Variants in IER3IP1 observed in about 807,000 individuals in gnomAD.
The protein encoded by IER3IP1 is immediate early response 3 interacting protein 1.
IER3IP1 carries 16 observed loss-of-function variants against 12.2 expected under a neutral mutation model. The observed-to-expected ratio is 1.31, with a 90% CI of 0.89 to 1.99. The LOEUF (loss-of-function observed/expected upper bound fraction) is 1.99, where lower values mean the gene tolerates loss of function less well. IER3IP1 is among the 30% of genes most tolerant of loss of function. The pLI is 0.00. For missense variants in IER3IP1, 95 were observed against 95.8 expected, an observed-to-expected ratio of 0.99 and a Z score of 0.03; for synonymous variants, 42 against 40.0, an observed-to-expected ratio of 1.05 and a Z score of -0.19.
At chr18:47,168,301 C>CAAAAA (rs35347851) in intron 1 of IER3IP1, among the ~76,000 whole-genome samples, 3 of 107,146 alleles carry the variant, frequency 2.8e-5, no homozygotes, top group Middle Eastern at 4.7e-3. Context: ...GACTCCATCA[C>CAAAAA]AAAAAAAAAA....
intron 1 of IER3IP1, among the ~76,000 whole-genome samples, chr18:47,159,337 A>G (rs777693016): frequency 3.3e-5 from 5 of 152,176 alleles, no homozygotes; most frequent in Non-Finnish European, 7.3e-5. Flanking sequence ...AAGAAATTTT[A>G]TTTTTCACTA....
At chr18:47,175,599 T>C (rs1345389127) in intron 1 of IER3IP1, among the ~76,000 whole-genome samples, 2 of 152,118 alleles carry the variant, frequency 1.3e-5, no homozygotes, top group East Asian at 3.9e-4. Flanking sequence ...GCCCGGCTAA[T>C]TTTTGTATTT....
chr18:47,176,329 A>G lies in IER3IP1; in HGVS notation c.-52T>C. 6.7e-7 allele frequency: 1 copy of G among 1,503,092 alleles called. No individual in the cohort carries two copies. Among genetic ancestry groups the G allele is most frequent in the Non-Finnish European group, 9.1e-7 (1 of 1,101,038 alleles). 93.1% of individuals were successfully genotyped at this position (1,503,092 alleles called of 1,614,324 possible). ...AAGCGATTTCTCTCCCGCCGCCGCA[A>G]GGGACGTGGCGCCTCCACGGCCGGC... On this transcript the variant is annotated 5_prime_UTR_variant, in exon 1 of 3. Coordinates refer to ENST00000256433, the MANE Select transcript of IER3IP1 (RefSeq NM_016097.5).
At position 47,157,542 on chromosome 18, in the gene IER3IP1, A is replaced by G. The variant is rs1568070683; in HGVS notation, c.92-5T>C. The G allele has an allele frequency of 1.9e-6, 3 of 1,612,826 alleles. No individual in the cohort carries two copies. In the East Asian group the frequency reaches 6.7e-5, roughly 36 times the overall value. ...CCTGGTCTGTTCCCCAGCCAACTGT[A>G]TAATGTAAAGATTAGCTGTGTTAAA... On this transcript the variant is annotated splice_region_variant and splice_polypyrimidine_tract_variant and intron_variant, in intron 1 of 2. Transcript: ENST00000256433.
intron 1 of IER3IP1, among the ~76,000 whole-genome samples, chr18:47,161,483 A>C (rs2063979873): frequency 6.6e-6 from 1 of 152,176 alleles, no homozygotes; most frequent in Non-Finnish European, 1.5e-5. Context: ...TGTAATCTTG[A>C]TGTCTCAACC....
chr18:47,159,813 T>C (rs1467937960), intron 1 of IER3IP1, among the ~76,000 whole-genome samples: 1 of 151,918 alleles, frequency 6.6e-6, no homozygotes, highest in Non-Finnish European at 1.5e-5. Flanking sequence ...TCAGACAAAA[T>C]GTTCACGTTC....
Position 47,155,254 on chromosome 18 carries a change from C to G in IER3IP1, c.*923G>C, listed in dbSNP as rs544324119. The G allele has an allele frequency of 1.3e-4, 20 of 152,258 alleles. No individual in the cohort carries two copies. Among genetic ancestry groups the G allele is most frequent in the African/African-American group, 4.6e-4 (19 of 41,562 alleles). 9.4% of individuals were successfully genotyped at this position (152,258 alleles called of 1,614,324 possible). On this transcript the variant is annotated 3_prime_UTR_variant, in exon 3 of 3. Transcript: ENST00000256433. The stretch of plus-strand genomic sequence containing the variant: ...AGACAACCTATCCAGCATCAATGTC[C>G]TATTGACAAACTCAATGAAGAATTA...
chr18:47,158,491 G>A (rs536002297), intron 1 of IER3IP1, among the ~76,000 whole-genome samples: 2 of 151,946 alleles, frequency 1.3e-5, no homozygotes, highest in East Asian at 2.0e-4. Flanking sequence ...ATAGGCGCAC[G>A]CCACCACACC....
chr18:47,176,018 G>A (rs2064032019), intron 1 of IER3IP1, among the ~76,000 whole-genome samples, 169 bp downstream of exon 1: 1 of 152,120 alleles, frequency 6.6e-6, no homozygotes, highest in Admixed American at 6.5e-5. Context: ...TATTCTCCCG[G>A]CTGTTGAGCC....
intron 1 of IER3IP1, among the ~76,000 whole-genome samples, chr18:47,175,164 C>G (rs1421397647): frequency 6.6e-6 from 1 of 152,184 alleles, no homozygotes; most frequent in Admixed American, 6.5e-5. Flanking sequence ...GTTTACGTTT[C>G]AGTGATTCAA....
Position 47,172,549 on chromosome 18 carries a change from T to G in IER3IP1, c.91+3638A>C, listed in dbSNP as rs565373560. ...TACCCAACCGTATATGTAGTGTATT[T>G]TTTTCAATCTGATAACCAAGTGACT... On this transcript the variant is annotated intron_variant, in intron 1 of 2. Coordinates refer to ENST00000256433, the MANE Select transcript of IER3IP1 (RefSeq NM_016097.5). This position sits in a 1 kb window ranked among gnomAD's most constrained non-coding sequence, Gnocchi z 4.0. 3.3e-5 allele frequency among the ~76,000 whole-genome samples: 5 copies of G among 152,270 alleles called. No individual in the cohort carries two copies. The highest frequency in any genetic ancestry group is 9.6e-5 in the African/African-American group (4 of 41,532).
chr18:47,168,155 AT>A (rs67248393), intron 1 of IER3IP1, among the ~76,000 whole-genome samples: 52,333 of 71,244 alleles, frequency 0.73, 22,853 homozygotes, highest in South Asian at 0.79. Context: ...AAAAAAAAAA[AT>A]TTTAGCTAGG....
intron 2 of IER3IP1, chr18:47,156,876 C>T (rs1235873280): frequency 6.7e-6 from 1 of 150,268 alleles, no homozygotes; most frequent in East Asian, 2.0e-4. Flanking sequence ...CAGCTCACTG[C>T]ACCCTCCACC....
Position 47,176,187 on chromosome 18 carries a change from T to A in IER3IP1, c.91A>T (p.Ile31Phe), listed in dbSNP as rs1285415025. ...GCCCGCGCCCCGCGGTCCCACTCACTGTTCTTGAGGAATCGCTCCTCGTGC... is the reference window on the plus strand; with the variant it reads ...GCCCGCGCCCCGCGGTCCCACTCACAGTTCTTGAGGAATCGCTCCTCGTGC... ...VLHEERFLKN[I>F]GWGTDQGIGG... The change falls in exon 1 of 3, where the codon ATT becomes TTT. Residue 31 changes from isoleucine to phenylalanine, a missense_variant and splice_region_variant. Coordinates refer to ENST00000256433, the MANE Select transcript of IER3IP1 (RefSeq NM_016097.5). 8 of 1,593,034 alleles carry A rather than the reference T, an allele frequency of 5.0e-6. No individual in the cohort carries two copies. In the South Asian group the frequency reaches 9.1e-5, roughly 18 times the overall value.
chr18:47,164,641 G>T (rs2063990110), intron 1 of IER3IP1, among the ~76,000 whole-genome samples: 1 of 151,968 alleles, frequency 6.6e-6, no homozygotes, highest in African/African-American at 2.4e-5. Context: ...AGTTAGCCAG[G>T]TGTGGTGTTA....
intron 1 of IER3IP1, among the ~76,000 whole-genome samples, chr18:47,168,873 A>T (rs1012449252): frequency 2.0e-5 from 3 of 152,224 alleles, no homozygotes; most frequent in Non-Finnish European, 4.4e-5. Flanking sequence ...CTATAACCTT[A>T]TCAAAACTTC....
At chr18:47,174,625 C>T (rs1159962745) in intron 1 of IER3IP1, among the ~76,000 whole-genome samples, 2 of 151,324 alleles carry the variant, frequency 1.3e-5, no homozygotes, top group African/African-American at 2.4e-5. Context: ...ACCGAGATTG[C>T]GCCACTGCAC....
intron 1 of IER3IP1, among the ~76,000 whole-genome samples, chr18:47,173,943 C>G (rs1196743881): frequency 6.6e-6 from 1 of 152,212 alleles, no homozygotes; most frequent in Non-Finnish European, 1.5e-5. Context: ...CCAAATCTCT[C>G]TTTTCTTATA....
intron 1 of IER3IP1, among the ~76,000 whole-genome samples, chr18:47,174,728 G>A (rs958639848): frequency 6.6e-6 from 1 of 150,806 alleles, no homozygotes; most frequent in African/African-American, 2.4e-5. Flanking sequence ...TCTTTCCTCC[G>A]TATTGTAGCC....
Sources: allele counts gnomAD v4.1 joint callset (sites outside exome capture counted in the v4.1 genomes callset), GRCh38; gene constraint gnomAD v4.1.1; non-coding constraint Gnocchi (gnomAD v3.1); transcripts MANE v1.5; gene names NCBI Gene and HGNC (gene_info 2026-07-23, HGNC 2026-07-21).